Variants in RALYL observed in about 807,000 individuals in gnomAD.
The protein encoded by RALYL is RNA-binding Raly-like protein.
A neutral mutation model predicts 35.1 loss-of-function variants in RALYL; 29 were observed. That is an observed-to-expected ratio of 0.83 (90% CI 0.61 to 1.13). The LOEUF (loss-of-function observed/expected upper bound fraction) is 1.13, where lower values mean the gene tolerates loss of function less well. Among genes scored for constraint, RALYL ranks in the 50% most tolerant of loss-of-function variants. RALYL has a pLI of 0.00. For missense variants in RALYL, 359 were observed against 360.4 expected, an observed-to-expected ratio of 1.00 and a Z score of 0.03; for synonymous variants, 120 against 127.6, an observed-to-expected ratio of 0.94 and a Z score of 0.40.
chr8:84,597,179 A>G (rs895878910), intron 2 of RALYL, among the ~76,000 whole-genome samples: 1 of 152,286 alleles, frequency 6.6e-6, no homozygotes, highest in Non-Finnish European at 1.5e-5. Context: ...GTAATGAAAC[A>G]TAGTCCAGTG....
chr8:84,908,769 G>A (rs972300067), intron 8 of RALYL, among the ~76,000 whole-genome samples: 1 of 151,804 alleles, frequency 6.6e-6, no homozygotes, highest in Admixed American at 6.6e-5. Context: ...CAAAACCCCC[G>A]GGAAATGCAG....
chr8:84,710,064 AAAAC>A (rs1033944593), intron 2 of RALYL, among the ~76,000 whole-genome samples: 8 of 152,006 alleles, frequency 5.3e-5, no homozygotes, highest in Non-Finnish European at 1.2e-4. Flanking sequence ...CCATCTCAAA[AAAAC>A]AAACAAATAA....
rs549991308 is a variant in RALYL at position 84,912,327 on chromosome 8, G to T, written c.859-8567G>T. On this transcript the variant is annotated intron_variant, in intron 8 of 8. Coordinates refer to ENST00000521268, the MANE Select transcript of RALYL (RefSeq NM_173848.7). The stretch of plus-strand genomic sequence containing the variant: ...ATTTAGGAAATTAAAAGGGTTTTAG[G>T]AGCTCTGTGCTAGGAACCAGAGACT... Among the ~76,000 whole-genome samples, 9 of 152,122 alleles carry T rather than the reference G, an allele frequency of 5.9e-5. No individual in the cohort carries two copies. In the South Asian group the frequency reaches 1.7e-3, roughly 28 times the overall value.
At chr8:84,491,909 C>G (rs783784) in intron 1 of RALYL, among the ~76,000 whole-genome samples, 1 of 151,724 alleles carries the variant, frequency 6.6e-6, no homozygotes. Context: ...AACCCTATAT[C>G]CTTAGAATCT....
In RALYL at chr8:84,834,572, C is replaced by A. The variant is rs552275570; in HGVS notation, c.366-15408C>A. 1.4e-4 allele frequency among the ~76,000 whole-genome samples: 21 copies of A among 152,306 alleles called. No homozygotes were observed. In the East Asian group the frequency reaches 3.7e-3, roughly 27 times the overall value. On this transcript the variant is annotated intron_variant, in intron 4 of 8. Coordinates refer to ENST00000521268, the MANE Select transcript of RALYL (RefSeq NM_173848.7). ...AAGCTCCTTCTTCTTCTATGCCTTG[C>A]AGTTTTCCTCCAGCACCCTGTACTG... is the stretch of plus-strand genomic sequence containing the variant.
intron 1 of RALYL, among the ~76,000 whole-genome samples, chr8:84,188,511 G>C (rs1331915164): frequency 6.6e-6 from 1 of 151,948 alleles, no homozygotes; most frequent in Non-Finnish European, 1.5e-5. Flanking sequence ...TTGATTCTTT[G>C]ATTTAATAAA....
intron 4 of RALYL, among the ~76,000 whole-genome samples, chr8:84,830,207 T>C (rs945070273): frequency 3.9e-5 from 6 of 152,158 alleles, no homozygotes; most frequent in African/African-American, 1.4e-4. Context: ...TGCATGTTTC[T>C]GAATGATCAT....
intron 2 of RALYL, among the ~76,000 whole-genome samples, chr8:84,556,049 T>C (rs1393482193): frequency 6.6e-6 from 1 of 152,206 alleles, no homozygotes; most frequent in Non-Finnish European, 1.5e-5. Context: ...CTCCCCAGAT[T>C]AATTGCTTTC....
chr8:84,565,227 T>C lies in RALYL; in HGVS notation c.256+35650T>C, dbSNP rs567092245. Among the ~76,000 whole-genome samples the C allele has an allele frequency of 2.6e-5, 4 of 151,736 alleles. No individual in the cohort carries two copies. The East Asian group carries it at 7.8e-4, about 29-fold the overall frequency. ...GATTAATTAGCTAATACTATTTGAGTGCAGAAGCTCAACCACTTATAAATT... is the reference window on the plus strand; with the variant it reads ...GATTAATTAGCTAATACTATTTGAGCGCAGAAGCTCAACCACTTATAAATT... On this transcript the variant is annotated intron_variant, in intron 2 of 8. Coordinates refer to ENST00000521268, the MANE Select transcript of RALYL (RefSeq NM_173848.7).
At chr8:84,829,715 T>C (rs1204137092) in intron 4 of RALYL, among the ~76,000 whole-genome samples, 2 of 152,202 alleles carry the variant, frequency 1.3e-5, no homozygotes, top group African/African-American at 4.8e-5. Context: ...AGTTATATTC[T>C]GTAAAGTCAC....
intron 8 of RALYL, among the ~76,000 whole-genome samples, chr8:84,898,780 C>G (rs77459255): frequency 6.6e-6 from 1 of 152,116 alleles, no homozygotes; most frequent in South Asian, 2.1e-4. Flanking sequence ...CGTACCTGAT[C>G]CTGGTGAACA....
chr8:84,191,892 T>G (rs140797470), intron 1 of RALYL, among the ~76,000 whole-genome samples: 1 of 152,330 alleles, frequency 6.6e-6, no homozygotes, highest in East Asian at 1.9e-4. Context: ...AATGTAAGAA[T>G]TAGAAAATTA....
intron 2 of RALYL, among the ~76,000 whole-genome samples, chr8:84,655,143 G>A (rs778684677): frequency 6.6e-6 from 1 of 152,124 alleles, no homozygotes; most frequent in Non-Finnish European, 1.5e-5. Flanking sequence ...TTTGACTGGA[G>A]TGAGACAATA....
chr8:84,199,287 GT>G (rs151138663), intron 1 of RALYL, among the ~76,000 whole-genome samples: 25,799 of 151,960 alleles, frequency 0.17, 2,518 homozygotes, highest in South Asian at 0.33. Context: ...TCATATGCCT[GT>G]TTTCTTCTTT....
At chr8:84,666,146 T>C (rs2131732843) in intron 2 of RALYL, among the ~76,000 whole-genome samples, 1 of 152,174 alleles carries the variant, frequency 6.6e-6, no homozygotes. Context: ...AGGTTGGCTC[T>C]ATTCTTGCAT....
intron 3 of RALYL, among the ~76,000 whole-genome samples, chr8:84,779,159 C>T (rs1003026988): frequency 2.0e-5 from 3 of 152,154 alleles, no homozygotes; most frequent in African/African-American, 4.8e-5. Context: ...GCTTCAAATA[C>T]GTTATGTACA....
chr8:84,533,568 A>G (rs910192618), intron 2 of RALYL, among the ~76,000 whole-genome samples: 1 of 152,202 alleles, frequency 6.6e-6, no homozygotes, highest in Non-Finnish European at 1.5e-5. Context: ...CCAGCTGTGG[A>G]TAGTAGGAGG....
At chr8:84,874,325 C>T (rs1210300160) in intron 7 of RALYL, among the ~76,000 whole-genome samples, 1 of 152,166 alleles carries the variant, frequency 6.6e-6, no homozygotes, top group Non-Finnish European at 1.5e-5. Flanking sequence ...AATCCAACCT[C>T]TTCATTTTGC....
At chr8:84,321,987 A>G (rs564478488) in intron 1 of RALYL, among the ~76,000 whole-genome samples, 2 of 152,236 alleles carry the variant, frequency 1.3e-5, no homozygotes, top group East Asian at 3.9e-4. Context: ...AACCCTAAAC[A>G]TGCATGTACC....
Sources: allele counts gnomAD v4.1 joint callset (sites outside exome capture counted in the v4.1 genomes callset), GRCh38; gene constraint gnomAD v4.1.1; transcripts MANE v1.5; gene names NCBI Gene and HGNC (gene_info 2026-07-23, HGNC 2026-07-21).